The following BNC2 variants were observed in gnomAD, a reference collection of about 807,000 sequenced individuals.
BNC2 encodes zinc finger protein basonuclin-2.
A neutral mutation model predicts 76.3 loss-of-function variants in BNC2; 20 were observed. The observed-to-expected ratio is 0.26, with a 90% CI of 0.18 to 0.38. BNC2 has a LOEUF of 0.38. Among genes scored for constraint, BNC2 ranks in the 10% least tolerant of loss-of-function variants. BNC2 has a pLI of 1.00. For synonymous variants in BNC2, 582 were observed against 514.8 expected, an observed-to-expected ratio of 1.13 and a Z score of -1.77; for missense variants, 1,382 against 1,399.8, an observed-to-expected ratio of 0.99 and a Z score of 0.20.
At chr9:16,778,708 G>C (rs1826036517) in intron 1 of BNC2, among the ~76,000 whole-genome samples, 1 of 152,124 alleles carries the variant, frequency 6.6e-6, no homozygotes, top group Non-Finnish European at 1.5e-5. Context: ...ACTGCACAAG[G>C]CTTCAAACGA....
intron 3 of BNC2, among the ~76,000 whole-genome samples, chr9:16,626,662 C>T (rs947106850): frequency 3.3e-5 from 5 of 151,942 alleles, no homozygotes; most frequent in Non-Finnish European, 4.4e-5. Flanking sequence ...GCCTAGCCTA[C>T]GAAACGTAAA....
intron 1 of BNC2, among the ~76,000 whole-genome samples, chr9:16,742,039 G>C (rs1824867607): frequency 6.6e-6 from 1 of 151,094 alleles, no homozygotes; most frequent in Non-Finnish European, 1.5e-5. Context: ...TCATTATGCA[G>C]CATTCTCATA....
chr9:16,796,663 A>C (rs976530086), intron 1 of BNC2, among the ~76,000 whole-genome samples: 2 of 152,066 alleles, frequency 1.3e-5, no homozygotes, highest in African/African-American at 2.4e-5. Flanking sequence ...AAAAAAAAGA[A>C]AGAAAAGAAG....
intron 5 of BNC2, among the ~76,000 whole-genome samples, chr9:16,467,795 C>T (rs1821725693): frequency 7.2e-6 from 1 of 139,412 alleles, no homozygotes; most frequent in Non-Finnish European, 1.5e-5. Flanking sequence ...AACTAACCTG[C>T]ACAATGTGCA....
intron 3 of BNC2, among the ~76,000 whole-genome samples, chr9:16,683,226 A>C (rs1822878072): frequency 6.6e-6 from 1 of 152,234 alleles, no homozygotes; most frequent in Non-Finnish European, 1.5e-5. Flanking sequence ...AGCTGCTAAG[A>C]AATCTGAAAT....
chr9:16,461,498 C>T (rs998911617), intron 5 of BNC2, among the ~76,000 whole-genome samples: 1 of 151,920 alleles, frequency 6.6e-6, no homozygotes, highest in Non-Finnish European at 1.5e-5. Context: ...CCTCTAAGAG[C>T]CTCCTAAGTG....
At chr9:16,790,405 G>T (rs1163578010) in intron 1 of BNC2, among the ~76,000 whole-genome samples, 2 of 152,182 alleles carry the variant, frequency 1.3e-5, no homozygotes, top group African/African-American at 4.8e-5. Context: ...GTAGGAAAAT[G>T]AAAAGTATAT....
intron 3 of BNC2, among the ~76,000 whole-genome samples, chr9:16,718,325 C>A (rs920538170): frequency 2.6e-5 from 4 of 152,164 alleles, no homozygotes; most frequent in South Asian, 2.1e-4. Flanking sequence ...TTCTTCTTAT[C>A]CCTTCCTACT....
At chr9:16,564,266 T>C (rs74375224) in intron 4 of BNC2, among the ~76,000 whole-genome samples, 4,438 of 152,286 alleles carry the variant, frequency 0.029, 103 homozygotes, top group South Asian at 0.13. Flanking sequence ...GGGTAGTCCT[T>C]AGTTTTCAAA....
At chr9:16,433,477 C>T (rs1314357297) in intron 6 of BNC2, among the ~76,000 whole-genome samples, 1 of 152,116 alleles carries the variant, frequency 6.6e-6, no homozygotes, top group Admixed American at 6.6e-5. Flanking sequence ...AGAATATCCT[C>T]GTCATCCTAG....
At position 16,795,123 on chromosome 9, in the gene BNC2, T is replaced by G. The variant is rs1817609285; in HGVS notation, c.4-56638A>C. Among the ~76,000 whole-genome samples the G allele has an allele frequency of 2.0e-5, 3 of 152,038 alleles. No individual in the cohort carries two copies. In the South Asian group the frequency reaches 6.2e-4, roughly 31 times the overall value. On this transcript the variant is annotated intron_variant, in intron 1 of 6. Coordinates refer to ENST00000380672, the MANE Select transcript of BNC2 (RefSeq NM_017637.6). ...CAATCCTCTCAAGTTTCCAGAACAA[T>G]GAGAATAAAAAGAAGGCTGACTAGA...
intron 3 of BNC2, among the ~76,000 whole-genome samples, chr9:16,658,288 T>C (rs1032535675): frequency 1.4e-5 from 2 of 139,802 alleles, no homozygotes; most frequent in Middle Eastern, 3.4e-3. Flanking sequence ...GAAACAGCTA[T>C]AAGGCTGGAG....
intron 3 of BNC2, among the ~76,000 whole-genome samples, chr9:16,657,385 A>G (rs1000668767): frequency 6.6e-5 from 10 of 152,220 alleles, no homozygotes; most frequent in Non-Finnish European, 1.0e-4. Flanking sequence ...TCACAGAGAA[A>G]TAAGTAAAAA....
chr9:16,630,002 T>TATCC (rs1821115619), intron 3 of BNC2, among the ~76,000 whole-genome samples: 1 of 152,234 alleles, frequency 6.6e-6, no homozygotes, highest in Admixed American at 6.5e-5. Flanking sequence ...GATAGCATGT[T>TATCC]ATCCACACTA....
Position 16,796,215 on chromosome 9 carries a change from G to A in BNC2, c.4-57730C>T, listed in dbSNP as rs56964529. Among the ~76,000 whole-genome samples the A allele has an allele frequency of 6.0e-4, 91 of 152,192 alleles. No individual in the cohort carries two copies. The South Asian group carries it at 0.017, about 28-fold the overall frequency. On this transcript the variant is annotated intron_variant, in intron 1 of 6. Coordinates refer to ENST00000380672, the MANE Select transcript of BNC2 (RefSeq NM_017637.6). ...AGGCACAATTAACTTGGCTTCTTTC[G>A]TAAGTACTTTATATAGTTTTACATC...
chr9:16,791,491 G>C (rs1382585940), intron 1 of BNC2, among the ~76,000 whole-genome samples: 1 of 152,146 alleles, frequency 6.6e-6, no homozygotes, highest in Admixed American at 6.5e-5. Flanking sequence ...TCTGCATTTA[G>C]CAAATACAAA....
chr9:16,738,498 T>C lies in BNC2; in HGVS notation c.4-13A>G, dbSNP rs954951557. 2.5e-6 allele frequency: 4 copies of C among 1,613,778 alleles called. No homozygotes were observed. The highest frequency in any genetic ancestry group is 3.4e-6 in the Non-Finnish European group (4 of 1,179,842). On this transcript the variant is annotated splice_polypyrimidine_tract_variant and intron_variant, in intron 1 of 6. Transcript: ENST00000380672. ...GCCCAAGGTGTGCCTATTGAGAGAT[T>C]GGGAAAGGAAATTACATATGCCCAG...
intron 1 of BNC2, among the ~76,000 whole-genome samples, chr9:16,825,062 TAA>T (rs1207960520): frequency 6.6e-6 from 1 of 151,436 alleles, no homozygotes; most frequent in East Asian, 1.9e-4. Flanking sequence ...TTTCTTTCTG[TAA>T]AGAGAGAGGT....
At chr9:16,552,415 C>A (rs1818691127) in intron 5 of BNC2, 115 bp downstream of exon 5, 1 of 865,280 alleles carries the variant, frequency 1.2e-6, no homozygotes, top group Non-Finnish European at 1.9e-6. Flanking sequence ...GCTGAAACGA[C>A]CACTTTAACC....
Sources: gnomAD v4.1 joint callset for allele counts (sites outside exome capture counted in the v4.1 genomes callset) on GRCh38, gnomAD v4.1.1 for gene constraint, MANE v1.5 for transcripts, NCBI Gene and HGNC (gene_info 2026-07-23, HGNC 2026-07-21) for gene names.